The following GSN variants were observed in gnomAD, a reference collection of about 807,000 sequenced individuals.
GSN encodes the protein gelsolin.
A neutral mutation model predicts 85.7 loss-of-function variants in GSN; 56 were observed. The ratio of observed to expected loss-of-function variants is 0.65; its 90% CI spans 0.53 to 0.82. GSN has a LOEUF of 0.82. Among genes scored for constraint, GSN ranks in the 40% least tolerant of loss-of-function variants. GSN has a pLI of 0.00. For synonymous variants in GSN, 373 were observed against 399.1 expected (o/e 0.93, Z 0.78); for missense variants, 857 against 979.8 (o/e 0.87, Z 1.67).
chr9:121,320,411 G>A (rs954855332), intron 10 of GSN, among the ~76,000 whole-genome samples: 3 of 152,182 alleles, frequency 2.0e-5, no homozygotes, highest in Non-Finnish European at 2.9e-5. Context: ...TTGGGTGGCC[G>A]AGGCGGGTGG....
chr9:121,267,397 G>A (rs963992101), upstream of GSN, among the ~76,000 whole-genome samples: 1 of 152,130 alleles, frequency 6.6e-6, no homozygotes, highest in Non-Finnish European at 1.5e-5. Flanking sequence ...CATCCCTTCC[G>A]TTTATGCAGA....
chr9:121,245,596 A>G (rs2054683784), intron 5 of GSN, among the ~76,000 whole-genome samples: 1 of 152,128 alleles, frequency 6.6e-6, no homozygotes, highest in Non-Finnish European at 1.5e-5. Context: ...CCTGAGCTCA[A>G]GCGATGCTCC....
intron 2 of GSN, chr9:121,282,306 G>A: frequency 1.7e-6 from 1 of 605,514 alleles, no homozygotes; most frequent in Non-Finnish European, 3.0e-6. Flanking sequence ...TGACCAGTGA[G>A]ACAGGAAGGA....
chr9:121,254,467 G>A (rs553116651), intron 6 of GSN, among the ~76,000 whole-genome samples: 1 of 151,988 alleles, frequency 6.6e-6, no homozygotes, highest in African/African-American at 2.4e-5. Context: ...TCCTGTCTCC[G>A]GGGTCCACCA....
chr9:121,287,562 A>C (rs2058264417), intron 2 of GSN, among the ~76,000 whole-genome samples: 1 of 152,102 alleles, frequency 6.6e-6, no homozygotes, highest in African/African-American at 2.4e-5. Flanking sequence ...TGCTCGGCTC[A>C]AACTGGCTCC....
chr9:121,232,464 T>C (rs2054409350), intron 5 of GSN, among the ~76,000 whole-genome samples: 2 of 152,224 alleles, frequency 1.3e-5, no homozygotes, highest in African/African-American at 2.4e-5. Context: ...CAGAGTTACA[T>C]AAGTAAAAAG....
Position 121,310,711 on chromosome 9 carries a change from C to A in GSN, c.379C>A (p.His127Asn). Reference protein sequence around the residue: ...KKGGVASGFKHVVPNEVVVQR... With the variant: ...KKGGVASGFKNVVPNEVVVQR... The stretch of plus-strand genomic sequence containing the variant: ...AGGAGGTGTGGCATCAGGATTCAAG[C>A]ACGTGGTACCCAACGAGGTGGTGGT... Residue 127 changes from histidine (H) to asparagine (N), a missense_variant, in exon 5 of 18, where the codon CAC (histidine) becomes AAC (asparagine). By Grantham distance (68) the His-to-Asn change is moderately conservative (BLOSUM62 1). Coordinates refer to ENST00000432226, the MANE Select transcript of GSN (RefSeq NM_198252.3). 2 of 1,614,162 alleles carry A rather than the reference C, an allele frequency of 1.2e-6. No homozygotes were observed. Among genetic ancestry groups the A allele is most frequent in the Non-Finnish European group, 1.7e-6 (2 of 1,180,012 alleles).
chr9:121,302,128 A>G lies in GSN; in HGVS notation c.157A>G (p.Arg53Gly), dbSNP rs764988664. Residue 53 changes from arginine (R) to glycine (G), a missense_variant, in exon 3 of 18, where the codon AGG becomes GGG. Arg to Gly is a moderately radical substitution (Grantham distance 125). Transcript: ENST00000432226. The stretch of plus-strand genomic sequence containing the variant: ...CGTCATCCTGAAGACAGTGCAGCTG[A>G]GGAACGGAAATCTGCAGTATGACCT... ...AYVILKTVQLRNGNLQYDLHY... is the reference protein window; with the variant it reads ...AYVILKTVQLGNGNLQYDLHY... 3.1e-6 allele frequency: 5 copies of G among 1,614,074 alleles called. No individual in the cohort carries two copies. The African/African-American group carries it at 6.7e-5, about 22-fold the overall frequency.
intron 1 of GSN, among the ~76,000 whole-genome samples, chr9:121,279,445 G>A (rs890475767): frequency 1.1e-4 from 17 of 152,076 alleles, no homozygotes; most frequent in Admixed American, 9.2e-4. Context: ...AAGAGGTGAT[G>A]GGGCTATGGA....
rs781768258 is a variant in GSN at position 121,318,741 on chromosome 9, C to G, written c.1052C>G (p.Thr351Arg). Residue 351 changes from threonine (T) to arginine (R), a missense_variant, in exon 10 of 18, where the codon ACA (threonine) becomes AGA (arginine). Thr to Arg is a moderately conservative substitution (Grantham distance 71, BLOSUM62 -1). Coordinates refer to ENST00000432226, the MANE Select transcript of GSN (RefSeq NM_198252.3). The surrounding 1 kb of genome is among the most constrained non-coding windows in gnomAD (Gnocchi z 4.3). ...FFKNWRDPDQ[T>R]DGLGLSYLSS... ...AAGAACTGGCGGGACCCAGACCAGA[C>G]AGATGGCCTGGGCTTGTCCTACCTT... 6 of 1,613,432 alleles carry G rather than the reference C, an allele frequency of 3.7e-6. No homozygotes were observed. Among genetic ancestry groups the G allele is most frequent in the East Asian group, 4.5e-5 (2 of 44,892 alleles).
intron 2 of GSN, chr9:121,300,274 C>A: frequency 1.6e-6 from 1 of 625,046 alleles, no homozygotes; most frequent in Non-Finnish European, 2.9e-6. Context: ...CTCCTGTCTC[C>A]TGAATTCTCC....
In GSN at chr9:121,299,562, G is replaced by A. The variant is rs1384488079; in HGVS notation, c.-9-2401G>A. 1.4e-6 allele frequency: 1 copy of A among 716,592 alleles called. No homozygotes were observed. The highest frequency in any genetic ancestry group is 1.9e-5 in the African/African-American group (1 of 51,964). The allele number at this position is 716,592 out of a possible 1,614,324, so 44.4% of individuals were successfully genotyped here. A position where few individuals can be genotyped will look rare whatever the true frequency, so the allele number is the denominator to read the frequency against. ...GAGGGGGCTCGCGTGCGTCGCAGGA[G>A]GCTCAGCTGGGCTCGCCGCCGCTCG... On this transcript the variant is annotated intron_variant, in intron 2 of 17. Transcript: ENST00000432226. The surrounding 1 kb of genome is among the most constrained non-coding windows in gnomAD (Gnocchi z 4.2).
At chr9:121,221,243 A>T (rs1441295846) in intron 4 of GSN, among the ~76,000 whole-genome samples, 1 of 152,232 alleles carries the variant, frequency 6.6e-6, no homozygotes, top group African/African-American at 2.4e-5. Flanking sequence ...CTCCCTTTAC[A>T]TAACAAAAGT....
intron 2 of GSN, among the ~76,000 whole-genome samples, chr9:121,287,526 C>T (rs1404141499): frequency 6.6e-6 from 1 of 152,054 alleles, no homozygotes; most frequent in African/African-American, 2.4e-5. Context: ...CTGCTGCACA[C>T]CTGGTCCACA....
In GSN at chr9:121,303,113, T is replaced by C. The variant is rs558734499; in HGVS notation, c.351+48T>C. On this transcript the variant is annotated intron_variant, in intron 4 of 17. Transcript: ENST00000432226. Reference sequence around the variant, plus strand: ...TGAGCGGTAGGGACAGATGCACCAGTAACAGGGCTCACTCAGGCCCATCTA... The same window carrying C: ...TGAGCGGTAGGGACAGATGCACCAGCAACAGGGCTCACTCAGGCCCATCTA... 18 of 1,576,108 alleles carry C rather than the reference T, an allele frequency of 1.1e-5. No homozygotes were observed. In the African/African-American group the frequency reaches 2.1e-4, roughly 19 times the overall value.
In GSN at chr9:121,329,373, TC is replaced by T; in HGVS notation, c.1965+60del. The T allele has an allele frequency of 5.9e-6, 6 of 1,016,638 alleles. No homozygotes were observed. The highest frequency in any genetic ancestry group is 6.3e-6 in the Non-Finnish European group (4 of 634,754). 63.0% of individuals were successfully genotyped at this position (1,016,638 alleles called of 1,614,324 possible). On this transcript the variant is annotated intron_variant, in intron 16 of 17. Transcript: ENST00000432226. The surrounding 1 kb of genome is among the most constrained non-coding windows in gnomAD (Gnocchi z 4.6). The stretch of plus-strand genomic sequence containing the variant: ...CAGAGGGAGTGGGAGAAACTAGACT[TC>T]CAGTTCTATGATCAGTTGCTAGAAG...
chr9:121,321,594 T>A (rs748256384), intron 11 of GSN, among the ~76,000 whole-genome samples, 193 bp downstream of exon 11: 6 of 152,222 alleles, frequency 3.9e-5, no homozygotes, highest in Non-Finnish European at 7.3e-5. Context: ...CAAATGATTA[T>A]ACATCTATTG....
chr9:121,325,326 G>C (rs1029814744), intron 12 of GSN, among the ~76,000 whole-genome samples: 61 of 152,350 alleles, frequency 4.0e-4, no homozygotes, highest in African/African-American at 1.5e-3. Flanking sequence ...ACGTGTAGGA[G>C]TTGCCCAGGC....
At chr9:121,304,247 C>T (rs1188155278) in intron 4 of GSN, among the ~76,000 whole-genome samples, 2 of 152,192 alleles carry the variant, frequency 1.3e-5, no homozygotes, top group Non-Finnish European at 2.9e-5. Context: ...AGGGTGTGTC[C>T]TGGGAACTCA....
Sources: gnomAD v4.1 joint callset for allele counts (sites outside exome capture counted in the v4.1 genomes callset) on GRCh38, gnomAD v4.1.1 for gene constraint, Gnocchi (gnomAD v3.1) non-coding constraint, MANE v1.5 for transcripts, NCBI Gene and HGNC (gene_info 2026-07-23, HGNC 2026-07-21) for gene names.